Variants in CREB3L2 observed in about 807,000 individuals in gnomAD.
CREB3L2 encodes cyclic AMP-responsive element-binding protein 3-like protein 2.
Under a neutral mutation model 57.2 loss-of-function variants are expected in CREB3L2, and 23 were observed. The ratio of observed to expected loss-of-function variants is 0.40; its 90% CI spans 0.29 to 0.57. CREB3L2 has a LOEUF of 0.57. CREB3L2 is among the 20% of genes least tolerant of loss of function. The pLI, the probability that CREB3L2 is intolerant of heterozygous loss-of-function variation, is 0.42. For missense variants in CREB3L2, 628 were observed against 634.7 expected, an observed-to-expected ratio of 0.99 and a Z score of 0.11; for synonymous variants, 268 against 265.1, an observed-to-expected ratio of 1.01 and a Z score of -0.11.
rs139841709 is a variant in CREB3L2 at position 137,951,415 on chromosome 7, T to C, written c.103-23049A>G. Among the ~76,000 whole-genome samples the C allele has an allele frequency of 3.0e-3, 460 of 152,270 alleles. 3 individuals carry two copies. Among genetic ancestry groups the C allele is most frequent in the African/African-American group, 0.01 (435 of 41,554 alleles). On this transcript the variant is annotated intron_variant, in intron 1 of 11. Coordinates refer to ENST00000330387, the MANE Select transcript of CREB3L2 (RefSeq NM_194071.4). Reference sequence around the variant, plus strand: ...AAACAGAAGCACACATAAAACAAGGTTATATACTGATTAGTGATAAAAATG... The same window carrying C: ...AAACAGAAGCACACATAAAACAAGGCTATATACTGATTAGTGATAAAAATG...
At chr7:137,921,240 A>G (rs912561607) in intron 2 of CREB3L2, among the ~76,000 whole-genome samples, 1 of 152,242 alleles carries the variant, frequency 6.6e-6, no homozygotes, top group Non-Finnish European at 1.5e-5. Context: ...CATCCCTGGT[A>G]AAGTTTAGCA....
At chr7:137,944,453 A>C (rs1800932747) in intron 1 of CREB3L2, among the ~76,000 whole-genome samples, 1 of 152,234 alleles carries the variant, frequency 6.6e-6, no homozygotes, top group Non-Finnish European at 1.5e-5. Context: ...ACCACGGAAA[A>C]AGTAAACCTA....
chr7:137,965,366 G>C (rs943420390), intron 1 of CREB3L2, among the ~76,000 whole-genome samples: 1 of 152,094 alleles, frequency 6.6e-6, no homozygotes, highest in Non-Finnish European at 1.5e-5. Flanking sequence ...TGGCCAAAAA[G>C]ACAGAAACGT....
chr7:137,908,565 G>T, intron 4 of CREB3L2, 129 bp from the exon 5 acceptor site: 1 of 543,600 alleles, frequency 1.8e-6, no homozygotes, highest in Non-Finnish European at 2.8e-6. Context: ...AAGGTGCAGA[G>T]CGTGGATATG....
chr7:137,878,529 G>C lies in CREB3L2; in HGVS notation c.*1947C>G. The C allele has an allele frequency of 4.3e-6, 1 of 233,560 alleles. No individual in the cohort carries two copies. Among genetic ancestry groups the C allele is most frequent in the East Asian group, 6.0e-5 (1 of 16,552 alleles). 14.5% of individuals were successfully genotyped at this position (233,560 alleles called of 1,614,324 possible). On this transcript the variant is annotated 3_prime_UTR_variant, in exon 12 of 12. Transcript: ENST00000330387. ...TCTGGGCTGCAGACAGTGGAGCAGAGAGAAGCAGAAGCAGAACCTACTAGC... is the reference window on the plus strand; with the variant it reads ...TCTGGGCTGCAGACAGTGGAGCAGACAGAAGCAGAAGCAGAACCTACTAGC...
chr7:137,960,718 T>A (rs965088772), intron 1 of CREB3L2, among the ~76,000 whole-genome samples: 5 of 151,756 alleles, frequency 3.3e-5, no homozygotes, highest in African/African-American at 1.2e-4. Context: ...ATAGTACAAC[T>A]ACTACAGAAG....
Position 137,913,116 on chromosome 7 carries a change from A to G in CREB3L2, c.496-38T>C, listed in dbSNP as rs141771467. Reference sequence around the variant, plus strand: ...TTTCAAACACAATTTTTAAAAACCAATCACAGCCTTGAAGACACATGCAGG... The same window carrying G: ...TTTCAAACACAATTTTTAAAAACCAGTCACAGCCTTGAAGACACATGCAGG... On this transcript the variant is annotated intron_variant, in intron 3 of 11. Transcript: ENST00000330387. The G allele has an allele frequency of 1.6e-4, 261 of 1,600,252 alleles. 2 individuals are homozygous for G. In the African/African-American group the frequency reaches 3.0e-3, roughly 18 times the overall value.
chr7:137,970,955 C>T (rs1801495212), intron 1 of CREB3L2, among the ~76,000 whole-genome samples: 1 of 152,166 alleles, frequency 6.6e-6, no homozygotes. Context: ...TAGCTGGGTG[C>T]CTCAGTGTGA....
chr7:137,998,391 G>A (rs1802025008), intron 1 of CREB3L2, among the ~76,000 whole-genome samples: 1 of 152,210 alleles, frequency 6.6e-6, no homozygotes, highest in South Asian at 2.1e-4. Flanking sequence ...AGGAAGGTTT[G>A]GTGGCTGCCA....
rs1244132935 is a variant in CREB3L2 at position 137,880,718 on chromosome 7, C to T, written c.1488-167G>A. On this transcript the variant is annotated intron_variant, in intron 11 of 11. Transcript: ENST00000330387. The surrounding 1 kb of genome is among the most constrained non-coding windows in gnomAD (Gnocchi z 4.0). ...AGTAGCAATTCTCTGTTTCCAAAGT[C>T]CCCTGCTACCAGCCTCTCCACTAGT... Among the ~76,000 whole-genome samples the T allele has an allele frequency of 6.6e-6, 1 of 152,212 alleles. No homozygotes were observed. The highest frequency in any genetic ancestry group is 1.9e-4 in the East Asian group (1 of 5,188).
chr7:137,939,766 C>T (rs948713412), intron 1 of CREB3L2, among the ~76,000 whole-genome samples: 4 of 152,120 alleles, frequency 2.6e-5, no homozygotes, highest in Admixed American at 6.5e-5. Context: ...CCAATTCTTC[C>T]CTCTCCCTTT....
At chr7:137,934,344 T>G in intron 1 of CREB3L2, among the ~76,000 whole-genome samples, 1 of 152,088 alleles carries the variant, frequency 6.6e-6, no homozygotes, top group Non-Finnish European at 1.5e-5. Flanking sequence ...AAAACCATGA[T>G]GGTGATGATC....
intron 8 of CREB3L2, among the ~76,000 whole-genome samples, chr7:137,887,747 T>C (rs1030892013): frequency 1.3e-5 from 2 of 152,124 alleles, no homozygotes; most frequent in South Asian, 2.1e-4. Context: ...TCTATCTACA[T>C]GACATTTTCC....
At position 137,905,723 on chromosome 7, in the gene CREB3L2, A is replaced by T. The variant is rs1244968417; in HGVS notation, c.894T>A (p.Ile298=). 4 of 1,613,994 alleles carry T rather than the reference A, an allele frequency of 2.5e-6. No individual in the cohort carries two copies. Among genetic ancestry groups the T allele is most frequent in the African/African-American group, 1.3e-5 (1 of 74,906 alleles). Residue 298 remains isoleucine (I), a synonymous_variant, in exon 6 of 12, where the codon ATT becomes ATA. Transcript: ENST00000330387. ...SKSEEKALKK[I]RRKIKNKISA... Reference sequence around the variant, plus strand: ...TCACCTTATTCTTGATCTTCCTCCGAATTTTCTTCAGGGCCTTCTCCTCTG... The same window carrying T: ...TCACCTTATTCTTGATCTTCCTCCGTATTTTCTTCAGGGCCTTCTCCTCTG...
At chr7:137,913,792 G>A (rs766812836) in intron 3 of CREB3L2, among the ~76,000 whole-genome samples, 32 of 152,038 alleles carry the variant, frequency 2.1e-4, no homozygotes, top group Non-Finnish European at 7.4e-5. Context: ...GCAACTTATA[G>A]TTGATACTGG....
At chr7:137,886,464 G>T (rs1251589093) in intron 8 of CREB3L2, among the ~76,000 whole-genome samples, 2 of 152,066 alleles carry the variant, frequency 1.3e-5, no homozygotes, top group Admixed American at 1.3e-4. Context: ...TTCACAGGCA[G>T]GTTAGAAGAG....
intron 1 of CREB3L2, among the ~76,000 whole-genome samples, chr7:137,996,647 A>G (rs1332028402): frequency 6.6e-6 from 1 of 151,984 alleles, no homozygotes; most frequent in Non-Finnish European, 1.5e-5. Context: ...AGATCAGCCA[A>G]CTCCTTTTCA....
At chr7:137,951,336 T>C (rs1801091715) in intron 1 of CREB3L2, among the ~76,000 whole-genome samples, 1 of 152,246 alleles carries the variant, frequency 6.6e-6, no homozygotes, top group Non-Finnish European at 1.5e-5. Context: ...CTCTTGGCTG[T>C]AGCTCAATGT....
At position 137,878,103 on chromosome 7, in the gene CREB3L2, A is replaced by T; in HGVS notation, c.*2373T>A. ...TTTGGAAGGATGGTTTCCCAGAGAA[A>T]GAGTCCTGCTGTTTGGAGGTCGAGA... is the stretch of plus-strand genomic sequence containing the variant. On this transcript the variant is annotated 3_prime_UTR_variant, in exon 12 of 12. Coordinates refer to ENST00000330387, the MANE Select transcript of CREB3L2 (RefSeq NM_194071.4). 1 of 230,694 alleles carries T rather than the reference A, an allele frequency of 4.3e-6. No individual in the cohort carries two copies. Among genetic ancestry groups the T allele is most frequent in the Non-Finnish European group, 8.6e-6 (1 of 116,572 alleles). 14.3% of individuals were successfully genotyped at this position (230,694 alleles called of 1,614,324 possible). A position where few individuals can be genotyped will look rare whatever the true frequency, so the allele number is the denominator to read the frequency against.
Sources: gnomAD v4.1 joint callset for allele counts (sites outside exome capture counted in the v4.1 genomes callset) on GRCh38, gnomAD v4.1.1 for gene constraint, Gnocchi (gnomAD v3.1) non-coding constraint, MANE v1.5 for transcripts, NCBI Gene and HGNC (gene_info 2026-07-23, HGNC 2026-07-21) for gene names.